Variants in ARMH3 observed in about 807,000 individuals in gnomAD.
ARMH3 encodes armadillo-like helical domain-containing protein 3.
In ARMH3, 60 loss-of-function variants were observed where a neutral mutation model predicts 99.1. The ratio of observed to expected loss-of-function variants is 0.61; its 90% CI spans 0.49 to 0.75. The LOEUF is 0.75. Ranked by LOEUF, ARMH3 falls within the 30% of genes least tolerant of loss-of-function variation. The pLI, the probability that ARMH3 is intolerant of heterozygous loss-of-function variation, is 0.00. For missense variants in ARMH3, 679 were observed against 843.1 expected, an observed-to-expected ratio of 0.81 and a Z score of 2.41; for synonymous variants, 285 against 292.8, an observed-to-expected ratio of 0.97 and a Z score of 0.27.
At chr10:102,030,709 CAAAAATAAT>C (rs141863047) in intron 4 of ARMH3, among the ~76,000 whole-genome samples, 8,448 of 151,980 alleles carry the variant, frequency 0.056, 245 homozygotes, top group African/African-American at 0.058. Flanking sequence ...AACTCCGTCT[CAAAAATAAT>C]AATAATAATA....
At chr10:101,957,310 T>C (rs551733645) in intron 21 of ARMH3, among the ~76,000 whole-genome samples, 1 of 152,358 alleles carries the variant, frequency 6.6e-6, no homozygotes, top group South Asian at 2.1e-4. Flanking sequence ...GCAGCCATGA[T>C]GGAACCTTCA....
At chr10:101,945,411 G>C (rs1487966479) in intron 22 of ARMH3, among the ~76,000 whole-genome samples, 1 of 152,066 alleles carries the variant, frequency 6.6e-6, no homozygotes, top group Admixed American at 6.6e-5. Context: ...CCGAAATCCT[G>C]TCTCTACAAA....
intron 24 of ARMH3, among the ~76,000 whole-genome samples, chr10:101,874,975 C>G (rs753577631): frequency 6.6e-6 from 1 of 152,160 alleles, no homozygotes; most frequent in African/African-American, 2.4e-5. Context: ...GATACATACT[C>G]CATGAAGGCC....
At chr10:101,854,460 C>T (rs1187428027) in intron 24 of ARMH3, among the ~76,000 whole-genome samples, 5 of 152,130 alleles carry the variant, frequency 3.3e-5, no homozygotes, top group Admixed American at 3.3e-4. Flanking sequence ...ATTCTATGTG[C>T]GTAAGTGATT....
chr10:101,861,692 T>C (rs2066872819), intron 24 of ARMH3, among the ~76,000 whole-genome samples: 2 of 127,032 alleles, frequency 1.6e-5, no homozygotes, highest in African/African-American at 6.1e-5. Flanking sequence ...ATTGCACTAC[T>C]ACACTCCAGG....
chr10:101,901,058 T>C (rs767192558), intron 23 of ARMH3, among the ~76,000 whole-genome samples: 3 of 151,582 alleles, frequency 2.0e-5, no homozygotes, highest in Non-Finnish European at 4.4e-5. Flanking sequence ...GTGGATCCCA[T>C]GCCAGTTAGA....
chr10:101,871,778 A>T (rs991097129), intron 24 of ARMH3, among the ~76,000 whole-genome samples: 7 of 152,182 alleles, frequency 4.6e-5, no homozygotes, highest in Non-Finnish European at 1.0e-4. Flanking sequence ...AGGTGGGTGG[A>T]ACACTTGAGG....
intron 1 of ARMH3, among the ~76,000 whole-genome samples, chr10:102,041,720 A>T (rs1334822107): frequency 6.6e-6 from 1 of 151,192 alleles, no homozygotes; most frequent in East Asian, 1.9e-4. Flanking sequence ...GCGTGATCTC[A>T]GCTTACTGAA....
In ARMH3 at chr10:102,018,096, C is replaced by A. The variant is rs1428708686; in HGVS notation, c.670-4072G>T. Among the ~76,000 whole-genome samples the A allele has an allele frequency of 3.9e-5, 6 of 152,188 alleles. No individual in the cohort carries two copies. The East Asian group carries it at 1.2e-3, about 29-fold the overall frequency. On this transcript the variant is annotated intron_variant, in intron 8 of 25. Coordinates refer to ENST00000370033, the MANE Select transcript of ARMH3 (RefSeq NM_024541.3). ...CAGGTTGCCTCAGTGCAGCTCCTGA[C>A]TTTTGGGTTCAGTAATGTACTCCTA...
At chr10:101,943,324 G>A (rs939768630) in intron 22 of ARMH3, among the ~76,000 whole-genome samples, 5 of 152,148 alleles carry the variant, frequency 3.3e-5, no homozygotes, top group African/African-American at 4.8e-5. Flanking sequence ...AGGAGCTCAC[G>A]GCACGCTCCA....
At chr10:101,927,465 T>C (rs1843554243) in intron 23 of ARMH3, among the ~76,000 whole-genome samples, 1 of 152,170 alleles carries the variant, frequency 6.6e-6, no homozygotes, top group Admixed American at 6.5e-5. Context: ...TCTTGGCAAT[T>C]TCATCTGTAA....
At chr10:101,866,038 T>C (rs1173177995) in intron 24 of ARMH3, among the ~76,000 whole-genome samples, 1 of 151,634 alleles carries the variant, frequency 6.6e-6, no homozygotes, top group Non-Finnish European at 1.5e-5. Context: ...CTGGCCAACA[T>C]GGCGAAACCC....
At chr10:102,007,534 AT>A (rs2066526974) in intron 13 of ARMH3, among the ~76,000 whole-genome samples, 1 of 151,356 alleles carries the variant, frequency 6.6e-6, no homozygotes. Context: ...AAAAAGAGCT[AT>A]TCAGCCGGGT....
intron 20 of ARMH3, among the ~76,000 whole-genome samples, chr10:101,959,402 CAT>C (rs1845181119): frequency 6.6e-6 from 1 of 152,170 alleles, no homozygotes; most frequent in Non-Finnish European, 1.5e-5. Flanking sequence ...TCTATAAAAT[CAT>C]AGAGGCGAGA....
intron 23 of ARMH3, among the ~76,000 whole-genome samples, chr10:101,935,174 A>AATATACATATATATAT (rs1843903332): frequency 1.7e-5 from 2 of 117,154 alleles, no homozygotes; most frequent in East Asian, 7.3e-4. Context: ...AAGGTGGAGC[A>AATATACATATATATAT]ATATATATAT....
intron 2 of ARMH3, among the ~76,000 whole-genome samples, chr10:102,038,431 T>A (rs1325178981): frequency 1.3e-5 from 2 of 152,142 alleles, no homozygotes; most frequent in Non-Finnish European, 2.9e-5. Context: ...CTACTTATTT[T>A]CTCTGTATAG....
At chr10:101,856,750 C>A (rs1342259460) in intron 24 of ARMH3, among the ~76,000 whole-genome samples, 1 of 152,038 alleles carries the variant, frequency 6.6e-6, no homozygotes, top group Non-Finnish European at 1.5e-5. Context: ...TTTTTTGAAC[C>A]CATTTCTTCC....
At chr10:101,872,916 C>A (rs867882267) in intron 24 of ARMH3, among the ~76,000 whole-genome samples, 1 of 151,614 alleles carries the variant, frequency 6.6e-6, no homozygotes, top group African/African-American at 2.4e-5. Flanking sequence ...CGAGATCACG[C>A]CACTGCACGC....
intron 1 of ARMH3, among the ~76,000 whole-genome samples, chr10:102,046,309 A>G (rs866148174): frequency 6.6e-6 from 1 of 151,568 alleles, no homozygotes; most frequent in South Asian, 2.1e-4. Context: ...AGAGAGAAAG[A>G]GAGAAAAGAG....
Sources: allele counts gnomAD v4.1 joint callset (sites outside exome capture counted in the v4.1 genomes callset), GRCh38; gene constraint gnomAD v4.1.1; transcripts MANE v1.5; gene names NCBI Gene and HGNC (gene_info 2026-07-23, HGNC 2026-07-21).